ITGAM: variants seen among roughly 807,000 people sequenced by gnomAD.
The protein encoded by ITGAM is integrin alpha-M.
In ITGAM, 79 loss-of-function variants were observed where a neutral mutation model predicts 137.5. The observed-to-expected ratio is 0.57, with a 90% CI of 0.48 to 0.69. The LOEUF (loss-of-function observed/expected upper bound fraction) is 0.69. Among genes scored for constraint, ITGAM ranks in the 30% least tolerant of loss-of-function variants. The pLI is 0.00. For missense variants in ITGAM, 1,343 were observed against 1,483.5 expected (o/e 0.91, Z 1.56); for synonymous variants, 583 against 592.3 (o/e 0.98, Z 0.23).
intron 12 of ITGAM, among the ~76,000 whole-genome samples, chr16:31,292,744 T>C (rs775772738): frequency 4.5e-4 from 69 of 152,188 alleles, no homozygotes; most frequent in Admixed American, 6.5e-4. Flanking sequence ...TGTGTCTTTA[T>C]GGTAGGATGA....
At chr16:31,262,166 T>A (rs143132862) in intron 2 of ITGAM, among the ~76,000 whole-genome samples, 6 of 152,294 alleles carry the variant, frequency 3.9e-5, no homozygotes, top group Non-Finnish European at 8.8e-5. Context: ...TGCCGCCTAT[T>A]TTTGTGAATG....
At chr16:31,329,073 T>TCTCCCCCCC in intron 23 of ITGAM, 155 bp from the exon 24 acceptor site, 2 of 426,236 alleles carry the variant, frequency 4.7e-6, no homozygotes, top group Non-Finnish European at 8.9e-6. Context: ...ACACATTGGT[T>TCTCCCCCCC]CCCCCATCCC....
chr16:31,270,943 C>T lies in ITGAM; in HGVS notation c.428-11C>T, dbSNP rs200250425. 1.4e-6 allele frequency: 2 copies of T among 1,467,020 alleles called. No homozygotes were observed. Among genetic ancestry groups the T allele is most frequent in the Non-Finnish European group, 1.8e-6 (2 of 1,095,896 alleles). 90.9% of individuals were successfully genotyped at this position (1,467,020 alleles called of 1,614,324 possible). On this transcript the variant is annotated splice_polypyrimidine_tract_variant and intron_variant, in intron 5 of 29. Transcript: ENST00000544665. ...AAATTACTTGATTCATACTCTTTTC[C>T]CCTTCCCCAGGGTGTCCTCAAGAGG...
chr16:31,328,792 ATGTG>A (rs56016186), intron 23 of ITGAM, among the ~76,000 whole-genome samples: 22 of 143,344 alleles, frequency 1.5e-4, no homozygotes, highest in Non-Finnish European at 2.3e-4. Context: ...GTATTTGTGC[ATGTG>A]TGTGTGTGAA....
intron 12 of ITGAM, among the ~76,000 whole-genome samples, chr16:31,280,712 T>C (rs1361680893): frequency 6.6e-6 from 1 of 151,766 alleles, no homozygotes; most frequent in Non-Finnish European, 1.5e-5. Context: ...CCTTTATTTC[T>C]TTCTCCTGCC....
chr16:31,331,048 G>A, intron 28 of ITGAM, 117 bp from the exon 29 acceptor site: 1 of 624,844 alleles, frequency 1.6e-6, no homozygotes, highest in Non-Finnish European at 2.9e-6. Flanking sequence ...TGAGGGCTGG[G>A]GTTCTGGGGG....
chr16:31,270,393 C>G (rs112247412), intron 5 of ITGAM, among the ~76,000 whole-genome samples: 1 of 151,852 alleles, frequency 6.6e-6, no homozygotes, highest in South Asian at 2.1e-4. Context: ...TGAGCCACCT[C>G]GCCCAGCTGG....
chr16:31,295,529 C>T (rs182184332), intron 12 of ITGAM, among the ~76,000 whole-genome samples: 37 of 151,586 alleles, frequency 2.4e-4, no homozygotes, highest in Non-Finnish European at 4.9e-4. Flanking sequence ...TGATTTTTCA[C>T]ATTGATTTTG....
At position 31,324,406 on chromosome 16, in the gene ITGAM, C is replaced by G; in HGVS notation, c.2010C>G (p.Ile670Met). The G allele has an allele frequency of 6.4e-7, 1 of 1,551,952 alleles. No individual in the cohort carries two copies. Among genetic ancestry groups the G allele is most frequent in the Non-Finnish European group, 8.7e-7 (1 of 1,147,146 alleles). ...STRDRLREGQ[I>M]QSVVTYDLAL... ...GCCACCCTGTCCCTTCAGGACAGATCCAGAGTGTTGTGACTTATGACCTGG... is the reference window on the plus strand; with the variant it reads ...GCCACCCTGTCCCTTCAGGACAGATGCAGAGTGTTGTGACTTATGACCTGG... The change falls in exon 17 of 30, where the codon ATC becomes ATG. Residue 670 changes from isoleucine (I) to methionine (M), a missense_variant. Physicochemically the swap from Ile to Met is conservative, Grantham distance 10. Transcript: ENST00000544665. The surrounding 1 kb of genome is among the most constrained non-coding windows in gnomAD (Gnocchi z 4.5).
At chr16:31,272,423 C>CCATATATA (rs1491104518) in intron 7 of ITGAM, among the ~76,000 whole-genome samples, 2 of 31,534 alleles carry the variant, frequency 6.3e-5, no homozygotes, top group East Asian at 2.5e-3. Flanking sequence ...GGCCAATTAA[C>CCATATATA]TATATATATA....
At chr16:31,287,839 A>G (rs899610793) in intron 12 of ITGAM, among the ~76,000 whole-genome samples, 1 of 151,702 alleles carries the variant, frequency 6.6e-6, no homozygotes, top group African/African-American at 2.4e-5. Flanking sequence ...TGGGGAAAAA[A>G]GTGTAGAGGA....
rs1245180947 is a variant in ITGAM at position 31,261,784 on chromosome 16, C to T, written c.121C>T (p.Leu41Phe). The change falls in exon 2 of 30, where the codon CTT becomes TTT. Residue 41 changes from leucine (L) to phenylalanine (F), a missense_variant. Leu to Phe is a conservative substitution (Grantham distance 22). Coordinates refer to ENST00000544665, the MANE Select transcript of ITGAM (RefSeq NM_000632.4). ...GGGCTTCGGGCAGAGCGTGGTCCAG[C>T]TTCAGGGATCCAGGTGAGACCCTTA... ...ARGFGQSVVQ[L>F]QGSRVVVGAP... The T allele has an allele frequency of 6.2e-7, 1 of 1,611,656 alleles. No individual in the cohort carries two copies. The highest frequency in any genetic ancestry group is 8.5e-7 in the Non-Finnish European group (1 of 1,178,456).
rs1444206125 is a variant in ITGAM, at chr16:31,270,165, TTC to T, written c.428-788_428-787del. On this transcript the variant is annotated intron_variant, in intron 5 of 29. Transcript: ENST00000544665. ...TTCCTTTCCTTTCCTTTCCTTTCCT[TTC>T]CTTTCCTTTCCTTTCCTTTCCTTTT... Among the ~76,000 whole-genome samples, 48 of 40,678 alleles carry T rather than the reference TTC, an allele frequency of 1.2e-3. No homozygotes were observed. In the East Asian group the frequency reaches 0.013, roughly 11 times the overall value. The allele number at this position is 40,678 out of a possible 152,430, so 26.7% of individuals were successfully genotyped here.
intron 29 of ITGAM, 92 bp downstream of exon 29, chr16:31,331,367 C>G: frequency 1.3e-6 from 1 of 798,916 alleles, no homozygotes; most frequent in South Asian, 1.5e-5. Flanking sequence ...GGGCTGCCAG[C>G]TGTGTGACTG....
At chr16:31,330,674 GGA>G in intron 28 of ITGAM, 69 bp downstream of exon 28, 9 of 1,121,124 alleles carry the variant, frequency 8.0e-6, no homozygotes, top group South Asian at 1.5e-5. Context: ...TTCTGGGGGA[GGA>G]GAGAGAGACA....
chr16:31,273,852 C>T (rs1216766307), intron 8 of ITGAM, among the ~76,000 whole-genome samples: 2 of 152,208 alleles, frequency 1.3e-5, no homozygotes, highest in Non-Finnish European at 2.9e-5. Context: ...GCTATGTCAT[C>T]TGCTGGACCA....
chr16:31,297,931 G>A lies in ITGAM; in HGVS notation c.1684G>A (p.Gly562Ser), dbSNP rs756197045. The A allele has an allele frequency of 6.2e-7, 1 of 1,613,852 alleles. No individual in the cohort carries two copies. The highest frequency in any genetic ancestry group is 8.5e-7 in the Non-Finnish European group (1 of 1,179,944). Reference sequence around the variant, plus strand: ...CCTGTTTCACGGAACCTCAGGATCTGGCATCAGCCCCTCCCATAGCCAGGT... The same window carrying A: ...CCTGTTTCACGGAACCTCAGGATCTAGCATCAGCCCCTCCCATAGCCAGGT... The part of the protein sequence containing the change: ...VYLFHGTSGS[G>S]ISPSHSQRIA... Residue 562 changes from glycine (G) to serine (S), a missense_variant, in exon 14 of 30, where the codon GGC (glycine) becomes AGC (serine). Physicochemically the swap from Gly to Ser is moderately conservative, Grantham distance 56. Coordinates refer to ENST00000544665, the MANE Select transcript of ITGAM (RefSeq NM_000632.4).
Position 31,324,986 on chromosome 16 carries a change from A to C in ITGAM, c.2318A>C (p.Asp773Ala). 6.2e-7 allele frequency: 1 copy of C among 1,612,872 alleles called. No homozygotes were observed. Among genetic ancestry groups the C allele is most frequent in the Non-Finnish European group, 8.5e-7 (1 of 1,179,462 alleles). ...CCCTTTGAGAAGAATTGTGGCAATG[A>C]CAACATCTGCCAGGATGACCTCAGC... Reference protein sequence around the residue: ...LFPFEKNCGNDNICQDDLSIT... With the variant: ...LFPFEKNCGNANICQDDLSIT... Residue 773 changes from aspartate to alanine, a missense_variant, in exon 19 of 30, where the codon GAC becomes GCC. Transcript: ENST00000544665. This position sits in a 1 kb window ranked among gnomAD's most constrained non-coding sequence, Gnocchi z 4.5.
intron 24 of ITGAM, 93 bp downstream of exon 24, chr16:31,329,396 A>G: frequency 1.1e-6 from 1 of 937,716 alleles, no homozygotes; most frequent in Non-Finnish European, 1.7e-6. Flanking sequence ...AATGTGCGCA[A>G]GGCACCTGTG....
Sources: gnomAD v4.1 joint callset for allele counts (sites outside exome capture counted in the v4.1 genomes callset) on GRCh38, gnomAD v4.1.1 for gene constraint, Gnocchi (gnomAD v3.1) non-coding constraint, MANE v1.5 for transcripts, NCBI Gene and HGNC (gene_info 2026-07-23, HGNC 2026-07-21) for gene names.